The following PCDH11Y variants were observed in gnomAD, a reference collection of about 807,000 sequenced individuals.
PCDH11Y encodes the protein protocadherin 11 Y-linked.
For synonymous variants in PCDH11Y, 9 were observed against 83.6 expected (o/e 0.11, Z 4.87); for missense variants, 12 against 224.8 (o/e 0.05, Z 6.05).
At chrY:5,332,448 CAAAT>C (rs2053132196) in intron 2 of PCDH11Y, among the ~76,000 whole-genome samples, 1 of 33,450 alleles carries the variant, frequency 3.0e-5, no homozygotes, top group Non-Finnish European at 7.4e-5. Context: ...AATCACTAGT[CAAAT>C]TAATTTATCA....
rs1602892422 is a variant in PCDH11Y at position 5,243,571 on chromosome Y, C to G, written c.3129+142864C>G. Among the ~76,000 whole-genome samples the G allele has an allele frequency of 2.6e-4, 7 of 27,186 alleles. No homozygotes were observed. The East Asian group carries it at 5.9e-3, about 23-fold the overall frequency. The allele number at this position is 27,186 out of a possible 37,273, so 72.9% of individuals were successfully genotyped here. On this transcript the variant is annotated intron_variant, in intron 2 of 4. Coordinates refer to the PCDH11Y transcript ENST00000400457. ...GGGTAAGATGGCTCAATAGACACAA[C>G]CAGGTGGAACAGCTAACACTGAGGG...
intron 2 of PCDH11Y, among the ~76,000 whole-genome samples, chrY:5,408,629 C>G (rs2124678069): frequency 3.1e-5 from 1 of 32,524 alleles, no homozygotes; most frequent in South Asian, 7.1e-4. Flanking sequence ...GTAGTAGAGA[C>G]AGGGTTTCAC....
At chrY:5,500,067 C>T (rs1602934727) in intron 2 of PCDH11Y, among the ~76,000 whole-genome samples, 1 of 29,493 alleles carries the variant, frequency 3.4e-5, no homozygotes, top group Non-Finnish European at 8.0e-5. Context: ...AGTCTTTCCA[C>T]GAAGCTAGCT....
At chrY:5,020,003 A>G (rs2052566955) in intron 1 of PCDH11Y, among the ~76,000 whole-genome samples, 1 of 32,502 alleles carries the variant, frequency 3.1e-5, no homozygotes, top group Non-Finnish European at 7.5e-5. Context: ...ATGAAGACTT[A>G]GGTCACATTT....
intron 4 of PCDH11Y, among the ~76,000 whole-genome samples, chrY:5,620,373 AC>A (rs2053498243): frequency 6.9e-5 from 2 of 29,125 alleles, no homozygotes; most frequent in Non-Finnish European, 1.6e-4. Context: ...CATTGACCAG[AC>A]CAATAACATG....
At chrY:5,719,599 A>C in intron 4 of PCDH11Y, among the ~76,000 whole-genome samples, 1 of 33,513 alleles carries the variant, frequency 3.0e-5, no homozygotes, top group Non-Finnish European at 7.4e-5. Flanking sequence ...ATTTTGGAGG[A>C]TGTATGGAAA....
At chrY:5,083,003 C>T in intron 1 of PCDH11Y, among the ~76,000 whole-genome samples, 1 of 32,495 alleles carries the variant, frequency 3.1e-5, no homozygotes, top group Non-Finnish European at 7.6e-5. Context: ...CGCACCTCCC[C>T]CCAGGAACTT....
chrY:5,268,089 AC>A (rs2053030077), intron 2 of PCDH11Y, among the ~76,000 whole-genome samples: 4 of 34,314 alleles, frequency 1.2e-4, no homozygotes, highest in African/African-American at 4.4e-4. Flanking sequence ...TCATCAAAGT[AC>A]TAAATGATCT....
At chrY:5,406,820 C>A (rs2053239222) in intron 2 of PCDH11Y, among the ~76,000 whole-genome samples, 1 of 32,867 alleles carries the variant, frequency 3.0e-5, no homozygotes, top group Non-Finnish European at 7.5e-5. Context: ...TTTTAAAATG[C>A]CTCTCTTAAC....
chrY:5,142,706 G>T (rs2124642705), intron 2 of PCDH11Y, among the ~76,000 whole-genome samples: 27 of 32,869 alleles, frequency 8.2e-4, no homozygotes, highest in African/African-American at 3.2e-3. Flanking sequence ...TATAAATAAT[G>T]AGCTGTTCTC....
At chrY:5,687,325 T>C (rs2053564139) in intron 4 of PCDH11Y, among the ~76,000 whole-genome samples, 1 of 31,641 alleles carries the variant, frequency 3.2e-5, no homozygotes, top group Non-Finnish European at 7.7e-5. Flanking sequence ...TTTCATAGGC[T>C]GGGCCCAGTG....
chrY:5,735,850 A>G, intron 4 of PCDH11Y, among the ~76,000 whole-genome samples: 1 of 32,756 alleles, frequency 3.1e-5, no homozygotes, highest in African/African-American at 1.2e-4. Context: ...CATCATAACA[A>G]TATTGAATAT....
intron 4 of PCDH11Y, among the ~76,000 whole-genome samples, chrY:5,645,408 C>T: frequency 3.1e-5 from 1 of 32,713 alleles, no homozygotes; most frequent in Non-Finnish European, 7.5e-5. Flanking sequence ...GTTCTATGAT[C>T]ATTAGCAGCC....
chrY:5,622,577 T>C (rs2053501307), intron 4 of PCDH11Y, among the ~76,000 whole-genome samples: 1 of 31,161 alleles, frequency 3.2e-5, no homozygotes, highest in Admixed American at 3.0e-4. Context: ...GAAATATAAA[T>C]CATTCTATTA....
chrY:5,305,963 C>A, intron 2 of PCDH11Y, among the ~76,000 whole-genome samples: 1 of 31,287 alleles, frequency 3.2e-5, no homozygotes, highest in Non-Finnish European at 7.7e-5. Context: ...GTACATGTTT[C>A]CCTCCCCAGA....
intron 2 of PCDH11Y, among the ~76,000 whole-genome samples, chrY:5,223,822 A>C (rs2052956589): frequency 3.0e-5 from 1 of 32,897 alleles, no homozygotes; most frequent in Admixed American, 2.8e-4. Flanking sequence ...GTTGGCAACA[A>C]ATTTATTTTG....
At chrY:5,411,881 C>CT (rs1158016735) in intron 2 of PCDH11Y, among the ~76,000 whole-genome samples, 1 of 32,580 alleles carries the variant, frequency 3.1e-5, no homozygotes, top group Non-Finnish European at 7.6e-5. Context: ...ATGCATCCAG[C>CT]TTTTTTCGTT....
At chrY:5,625,823 G>GTT (rs1220087252) in intron 4 of PCDH11Y, among the ~76,000 whole-genome samples, 8 of 11,811 alleles carry the variant, frequency 6.8e-4, no homozygotes, top group Non-Finnish European at 1.0e-3. Flanking sequence ...CAGTTTGCTA[G>GTT]TTTTTTTTTT....
chrY:5,002,410 G>A, intron 1 of PCDH11Y, among the ~76,000 whole-genome samples: 2 of 33,809 alleles, frequency 5.9e-5, no homozygotes, highest in African/African-American at 1.2e-4. Flanking sequence ...TAAAACAGGT[G>A]TGACTCAAAA....
Sources: allele counts gnomAD v4.1 joint callset (sites outside exome capture counted in the v4.1 genomes callset), GRCh38; gene constraint gnomAD v4.1.1; transcripts MANE v1.5; gene names NCBI Gene and HGNC (gene_info 2026-07-23, HGNC 2026-07-21).